Variants in BYSL observed in about 807,000 individuals in gnomAD.
BYSL encodes the protein bystin like, also known as bystin.
Under a neutral mutation model 45.4 loss-of-function variants are expected in BYSL, and 21 were observed. The ratio of observed to expected loss-of-function variants is 0.46; its 90% confidence interval spans 0.33 to 0.67. The LOEUF is 0.67. Ranked by LOEUF, BYSL falls within the 30% of genes least tolerant of loss-of-function variation. BYSL has a pLI of 0.02. For synonymous variants in BYSL, 215 were observed against 231.3 expected (o/e 0.93, Z 0.64); for missense variants, 522 against 578.5 (o/e 0.90, Z 1.00).
Position 41,927,530 on chromosome 6 carries a change from C to T in BYSL, c.425C>T (p.Pro142Leu), listed in dbSNP as rs760035643. The change falls in exon 2 of 7, where the codon CCT becomes CTT. Residue 142 changes from proline to leucine, a missense_variant. Transcript: ENST00000230340. ...GAGATGTTCATGAACAAGAACCCTCCTGCCAGGTAGGCCTGGGGATTTGGG... is the reference window on the plus strand; with the variant it reads ...GAGATGTTCATGAACAAGAACCCTCTTGCCAGGTAGGCCTGGGGATTTGGG... ...AIEMFMNKNP[P>L]ARRTLADIIM... 1 of 1,613,874 alleles carries T rather than the reference C, an allele frequency of 6.2e-7. No homozygotes were observed. The highest frequency in any genetic ancestry group is 1.7e-5 in the Admixed American group (1 of 60,006).
chr6:41,917,777 G>A (rs1300230335), upstream of BYSL: 1 of 471,220 alleles, frequency 2.1e-6, no homozygotes, highest in East Asian at 6.9e-5. Context: ...GTCTCCGTTT[G>A]GGTTAACATG....
chr6:41,919,543 T>A (rs1775405402), upstream of BYSL, among the ~76,000 whole-genome samples: 1 of 152,154 alleles, frequency 6.6e-6, no homozygotes, highest in Non-Finnish European at 1.5e-5. Flanking sequence ...ATCCCTAAAC[T>A]GACGCTACAA....
At chr6:41,915,745 C>G in the BYSL span, among the ~76,000 whole-genome samples, 130 of 142,856 alleles carry the variant, frequency 9.1e-4, 1 homozygote, top group African/African-American at 3.3e-3. Flanking sequence ...CGAGATTGCG[C>G]CACTGCACTC....
upstream of BYSL, chr6:41,918,002 G>A: frequency 3.7e-6 from 1 of 271,042 alleles, no homozygotes; most frequent in Non-Finnish European, 8.0e-6. Context: ...TGAATCAAAA[G>A]AATGGAACAA....
In BYSL at chr6:41,932,562, G is replaced by A. The variant is rs1249662685; in HGVS notation, c.1170G>A (p.Lys390=). 1 of 1,614,124 alleles carries A rather than the reference G, an allele frequency of 6.2e-7. No individual in the cohort carries two copies. Among genetic ancestry groups the A allele is most frequent in the East Asian group, 2.2e-5 (1 of 44,896 alleles). ...QCLLTLVQRY[K]ADLATDQKEA... is the part of the protein sequence containing the mutation. ...TCCTGACTTTGGTCCAGCGCTACAA[G>A]GCCGACTTGGCCACAGACCAGAAAG... Residue 390 remains lysine (K), a synonymous_variant, in exon 7 of 7, where the codon AAG becomes AAA. Coordinates refer to ENST00000230340, the MANE Select transcript of BYSL (RefSeq NM_004053.4). This position sits in a 1 kb window ranked among gnomAD's most constrained non-coding sequence, Gnocchi z 4.7.
At chr6:41,929,387 A>G (rs1467691840) in intron 2 of BYSL, among the ~76,000 whole-genome samples, 1 of 152,122 alleles carries the variant, frequency 6.6e-6, no homozygotes, top group Admixed American at 6.5e-5. Flanking sequence ...GGTCCCAGCT[A>G]CTCGAGAGAC....
chr6:41,931,899 G>A, intron 6 of BYSL, 69 bp downstream of exon 6: 1 of 1,441,372 alleles, frequency 6.9e-7, no homozygotes, highest in Non-Finnish European at 9.8e-7. Context: ...CAGGACTTGG[G>A]AATGGGCAGA....
intron 1 of BYSL, among the ~76,000 whole-genome samples, chr6:41,925,364 ATTT>A (rs778564177): frequency 1.4e-5 from 2 of 141,208 alleles, no homozygotes; most frequent in African/African-American, 2.6e-5. Flanking sequence ...GACTAACTTC[ATTT>A]TTTTTTTTTT....
the BYSL span, among the ~76,000 whole-genome samples, chr6:41,914,202 C>T: frequency 6.6e-6 from 1 of 152,102 alleles, no homozygotes; most frequent in Admixed American, 6.5e-5. Context: ...GTGCTGTTGT[C>T]GGAGGCAGGA....
upstream of BYSL, chr6:41,917,863 G>C (rs1208258033): frequency 2.2e-6 from 1 of 447,112 alleles, no homozygotes; most frequent in South Asian, 1.6e-5. Context: ...TAGTGTATTG[G>C]ACACTGTTGT....
rs367601943 is a variant in BYSL at position 41,930,971 on chromosome 6, G to A, written c.704+203G>A. 1.8e-3 allele frequency among the ~76,000 whole-genome samples: 279 copies of A among 152,088 alleles called. 9 individuals carry two copies. The South Asian group carries it at 0.054, about 29-fold the overall frequency. On this transcript the variant is annotated intron_variant, in intron 4 of 6. Coordinates refer to ENST00000230340, the MANE Select transcript of BYSL (RefSeq NM_004053.4). Reference sequence around the variant, plus strand: ...CCAGTTAGCCAGTTAGGAACCCTCCGTGATGAATTTCTAGGGGAGAGGCTT... The same window carrying A: ...CCAGTTAGCCAGTTAGGAACCCTCCATGATGAATTTCTAGGGGAGAGGCTT...
intron 1 of BYSL, among the ~76,000 whole-genome samples, chr6:41,927,088 C>T (rs1346105487): frequency 7.2e-6 from 1 of 139,832 alleles, no homozygotes; most frequent in South Asian, 2.3e-4. Flanking sequence ...AGCAAGACTC[C>T]ATTTCAAAAA....
chr6:41,930,814 C>A, intron 4 of BYSL, 46 bp downstream of exon 4: 2 of 1,585,018 alleles, frequency 1.3e-6, no homozygotes, highest in Non-Finnish European at 1.7e-6. Flanking sequence ...TAGGTGCAGG[C>A]TGAGTTTGGG....
upstream of BYSL, chr6:41,917,921 G>GAAAAAAA: frequency 6.2e-6 from 2 of 321,548 alleles, no homozygotes; most frequent in Admixed American, 3.9e-5. Context: ...ACAGCCCTAG[G>GAAAAAAA]AACAAAAAAA....
At chr6:41,922,766 T>G (rs887560169) in intron 1 of BYSL, among the ~76,000 whole-genome samples, 2 of 152,226 alleles carry the variant, frequency 1.3e-5, no homozygotes, top group African/African-American at 2.4e-5. Context: ...AACTGCCTAT[T>G]TGGCATCTCC....
chr6:41,929,971 G>A (rs1309509854), intron 2 of BYSL, among the ~76,000 whole-genome samples, 161 bp from the exon 3 acceptor site: 1 of 152,242 alleles, frequency 6.6e-6, no homozygotes, highest in Admixed American at 6.5e-5. Context: ...TGTCTGTGGT[G>A]GATGAATGGG....
At chr6:41,918,401 G>A (rs1467284133), upstream of BYSL, among the ~76,000 whole-genome samples, 1 of 152,138 alleles carries the variant, frequency 6.6e-6, no homozygotes, top group Non-Finnish European at 1.5e-5. Context: ...CTACATGGGA[G>A]GCTGAGGCAG....
chr6:41,925,879 C>A (rs1775557425), intron 1 of BYSL, among the ~76,000 whole-genome samples: 1 of 151,174 alleles, frequency 6.6e-6, no homozygotes, highest in South Asian at 2.1e-4. Context: ...AGAGACGGGG[C>A]TTCTCCCTGT....
chr6:41,915,789 A>AACACACAC, the BYSL span, among the ~76,000 whole-genome samples: 5 of 148,590 alleles, frequency 3.4e-5, no homozygotes, highest in Admixed American at 6.7e-5. Flanking sequence ...TCCGTCTCAA[A>AACACACAC]ACACACACAC....
Sources: allele counts gnomAD v4.1 joint callset (sites outside exome capture counted in the v4.1 genomes callset), GRCh38; gene constraint gnomAD v4.1.1; non-coding constraint Gnocchi (gnomAD v3.1); transcripts MANE v1.5; gene names NCBI Gene and HGNC (gene_info 2026-07-23, HGNC 2026-07-21).